Variants in SIN3A observed in about 807,000 individuals in gnomAD.
SIN3A encodes paired amphipathic helix protein Sin3a.
SIN3A carries 14 observed loss-of-function variants against 146.1 expected under a neutral mutation model. The observed-to-expected ratio is 0.10, with a 90% CI of 0.06 to 0.15. The LOEUF (loss-of-function observed/expected upper bound fraction) is 0.15. Among genes scored for constraint, SIN3A ranks in the 10% least tolerant of loss-of-function variants. The pLI is 1.00. For synonymous variants in SIN3A, 572 were observed against 572.0 expected (o/e 1.00, Z 0.00); for missense variants, 1,028 against 1,576.0 (o/e 0.65, Z 5.89).
intron 1 of SIN3A, among the ~76,000 whole-genome samples, chr15:75,438,563 C>A (rs1258267945): frequency 1.3e-5 from 2 of 151,892 alleles, no homozygotes; most frequent in Non-Finnish European, 2.9e-5. Context: ...GTAGTGAGCA[C>A]CTGTAGTCCT....
intron 1 of SIN3A, among the ~76,000 whole-genome samples, chr15:75,442,932 C>CAA (rs34555614): frequency 0.029 from 2,441 of 84,242 alleles, 51 homozygotes; most frequent in East Asian, 0.064. Context: ...AACTCTGTCT[C>CAA]AAAAAAAAAA....
intron 1 of SIN3A, among the ~76,000 whole-genome samples, chr15:75,438,374 A>T (rs2074142194): frequency 9.7e-6 from 1 of 102,764 alleles, no homozygotes; most frequent in Non-Finnish European, 2.0e-5. Flanking sequence ...CTCAAAAAAC[A>T]AAACAAACAA....
At chr15:75,425,228 T>C (rs2073905190) in intron 2 of SIN3A, among the ~76,000 whole-genome samples, 1 of 152,240 alleles carries the variant, frequency 6.6e-6, no homozygotes, top group African/African-American at 2.4e-5. Flanking sequence ...TGGAGTGCAG[T>C]AGCACAATTT....
intron 1 of SIN3A, among the ~76,000 whole-genome samples, chr15:75,433,521 G>C (rs2074050999): frequency 6.6e-6 from 1 of 152,116 alleles, no homozygotes; most frequent in Non-Finnish European, 1.5e-5. Context: ...ACACTACAGA[G>C]GCTGAACTTT....
rs1343069234 is a variant in SIN3A at position 75,400,750 on chromosome 15, G to C, written c.1717C>G (p.Arg573Gly). 1 of 1,613,728 alleles carries C rather than the reference G, an allele frequency of 6.2e-7. No homozygotes were observed. Among genetic ancestry groups the C allele is most frequent in the Non-Finnish European group, 8.5e-7 (1 of 1,179,910 alleles). ...CTTACCTCTTTACAGAGAGGAGTCC[G>C]TCCTGTACACTTGGGCTGCTGGTAA... Reference protein sequence around the residue: ...KSYQQPKCTGRTPLCKEVLND... With the variant: ...KSYQQPKCTGGTPLCKEVLND... The change falls in exon 11 of 21, where the codon CGG (arginine) becomes GGG (glycine). Residue 573 changes from arginine to glycine, a missense_variant. Coordinates refer to ENST00000394947, the MANE Select transcript of SIN3A (RefSeq NM_001145358.2).
At chr15:75,389,368 T>C (rs936313492) in intron 16 of SIN3A, among the ~76,000 whole-genome samples, 1 of 151,460 alleles carries the variant, frequency 6.6e-6, no homozygotes, top group Admixed American at 6.6e-5. Context: ...TGCTTACCCA[T>C]GGCAGACAAG....
intron 19 of SIN3A, among the ~76,000 whole-genome samples, chr15:75,377,560 G>A (rs2072885435): frequency 6.6e-6 from 1 of 151,920 alleles, no homozygotes; most frequent in Non-Finnish European, 1.5e-5. Flanking sequence ...GGCTGGTGGA[G>A]GCTGCAGTAA....
intron 1 of SIN3A, among the ~76,000 whole-genome samples, chr15:75,440,958 GGTGA>G (rs1452155367): frequency 1.3e-5 from 2 of 148,396 alleles, no homozygotes; most frequent in African/African-American, 5.0e-5. Flanking sequence ...CTCCAGCCTG[GGTGA>G]CAGAGCGAAG....
chr15:75,394,926 T>C, intron 13 of SIN3A, 63 bp from the exon 14 acceptor site: 1 of 1,479,862 alleles, frequency 6.8e-7, no homozygotes, highest in Non-Finnish European at 9.1e-7. Flanking sequence ...AAGAAAGAAA[T>C]TTGCCAGGCT....
At chr15:75,427,552 C>G (rs912616311) in intron 2 of SIN3A, among the ~76,000 whole-genome samples, 1 of 151,782 alleles carries the variant, frequency 6.6e-6, no homozygotes, top group African/African-American at 2.4e-5. Flanking sequence ...CCCAGCTACT[C>G]GGGAGGCTGA....
Position 75,375,869 on chromosome 15 carries a change from A to G in SIN3A, c.3387T>C (p.Asn1129=). 2 of 1,613,940 alleles carry G rather than the reference A, an allele frequency of 1.2e-6. No homozygotes were observed. The highest frequency in any genetic ancestry group is 1.7e-6 in the Non-Finnish European group (2 of 1,180,030). The change falls in exon 20 of 21, where the codon AAT becomes AAC. Residue 1129 remains asparagine (N), a synonymous_variant. Coordinates refer to ENST00000394947, the MANE Select transcript of SIN3A (RefSeq NM_001145358.2). The part of the protein sequence containing the change: ...LAQKPVFLPR[N]LRRIRKCQRG... ...GTTGACACTTCCGGATCCGCCGTAG[A>G]TTCCTATTGCAGAAAAGCCCCGGAG... is the stretch of plus-strand genomic sequence containing the variant.
At chr15:75,418,323 T>C (rs536062883) in intron 3 of SIN3A, among the ~76,000 whole-genome samples, 1 of 149,236 alleles carries the variant, frequency 6.7e-6, no homozygotes, top group East Asian at 2.0e-4. Context: ...AGCCACTGCG[T>C]CTGGCCTATT....
intron 4 of SIN3A, among the ~76,000 whole-genome samples, chr15:75,413,384 G>A (rs1019940364): frequency 6.6e-6 from 1 of 152,088 alleles, no homozygotes; most frequent in Admixed American, 6.6e-5. Context: ...GCCTCCCAAA[G>A]TGCTGGGATT....
intron 1 of SIN3A, among the ~76,000 whole-genome samples, chr15:75,449,731 G>T (rs577219027): frequency 2.0e-5 from 3 of 152,086 alleles, no homozygotes; most frequent in Non-Finnish European, 4.4e-5. Context: ...AAAAAGAAAA[G>T]ACTTTTCACC....
At chr15:75,428,137 T>C (rs907514344) in intron 2 of SIN3A, among the ~76,000 whole-genome samples, 2 of 152,158 alleles carry the variant, frequency 1.3e-5, no homozygotes, top group African/African-American at 4.8e-5. Context: ...AGAACAGGAA[T>C]ATACAATGCT....
At chr15:75,386,229 T>C (rs139343644) in intron 16 of SIN3A, among the ~76,000 whole-genome samples, 4 of 152,332 alleles carry the variant, frequency 2.6e-5, no homozygotes, top group Admixed American at 6.5e-5. Flanking sequence ...GGTTTTGCCA[T>C]GTTGCCCAGT....
intron 16 of SIN3A, among the ~76,000 whole-genome samples, chr15:75,387,130 C>T (rs1215625122): frequency 6.6e-6 from 1 of 152,132 alleles, no homozygotes; most frequent in Non-Finnish European, 1.5e-5. Flanking sequence ...ATATGTTGTA[C>T]ATTCAGTCAG....
intron 1 of SIN3A, among the ~76,000 whole-genome samples, chr15:75,436,976 T>G (rs1284423747): frequency 6.6e-6 from 1 of 152,164 alleles, no homozygotes; most frequent in Non-Finnish European, 1.5e-5. Flanking sequence ...CAGGCAATAG[T>G]TATTTACAAT....
In SIN3A at chr15:75,381,441, G is replaced by A. The variant is rs145834969; in HGVS notation, c.3288+172C>T. Among the ~76,000 whole-genome samples the A allele has an allele frequency of 3.2e-3, 493 of 152,292 alleles. 4 individuals are homozygous for A. Among genetic ancestry groups the A allele is most frequent in the African/African-American group, 0.011 (462 of 41,566 alleles). On this transcript the variant is annotated intron_variant, in intron 18 of 20. Transcript: ENST00000394947. ...GTTAACATCTATAACCAGGCAGCCC[G>A]TCTCTTCAGCTGAAGACATGGCTGG...
Sources: allele counts gnomAD v4.1 joint callset (sites outside exome capture counted in the v4.1 genomes callset), GRCh38; gene constraint gnomAD v4.1.1; transcripts MANE v1.5; gene names NCBI Gene and HGNC (gene_info 2026-07-23, HGNC 2026-07-21).